The following RP1 variants were observed in gnomAD, a reference collection of about 807,000 sequenced individuals.
RP1 encodes the protein RP1 axonemal microtubule associated.
In RP1, 16 loss-of-function variants were observed where a neutral mutation model predicts 14.8. That is an observed-to-expected ratio of 1.08 (90% confidence interval 0.73 to 1.65). The LOEUF is 1.65. Ranked by LOEUF, RP1 falls within the 40% of genes most tolerant of loss-of-function variation. The pLI is 0.00. For missense variants in RP1, 2,631 were observed against 2,535.0 expected (o/e 1.04, Z -0.81); for synonymous variants, 876 against 883.6 (o/e 0.99, Z 0.15).
chr8:54,693,440 C>T (rs1807770613), intron 12 of RP1, among the ~76,000 whole-genome samples: 2 of 152,114 alleles, frequency 1.3e-5, no homozygotes, highest in Non-Finnish European at 2.9e-5. Context: ...TTGATTCTTC[C>T]TACCCATGAG....
chr8:54,688,440 T>C (rs919974251), intron 12 of RP1, among the ~76,000 whole-genome samples: 1 of 152,200 alleles, frequency 6.6e-6, no homozygotes, highest in Non-Finnish European at 1.5e-5. Flanking sequence ...GTTTTTATGG[T>C]TTTAGGTCTA....
intron 15 of RP1, among the ~76,000 whole-genome samples, chr8:54,711,742 C>T (rs1209646491): frequency 6.6e-6 from 1 of 151,956 alleles, no homozygotes; most frequent in Non-Finnish European, 1.5e-5. Flanking sequence ...AGTTTCTTTT[C>T]TAAATTTAAT....
intron 24 of RP1, among the ~76,000 whole-genome samples, chr8:54,803,612 CT>C (rs1405008314): frequency 6.6e-6 from 1 of 151,968 alleles, no homozygotes; most frequent in Non-Finnish European, 1.5e-5. Flanking sequence ...TGAGGTATAT[CT>C]TTATTTACTA....
At chr8:54,843,779 C>G (rs745394922) in intron 25 of RP1, among the ~76,000 whole-genome samples, 1 of 152,168 alleles carries the variant, frequency 6.6e-6, no homozygotes, top group Non-Finnish European at 1.5e-5. Context: ...TGGTAGCCAT[C>G]CCTGCACAGC....
At chr8:54,647,395 C>T (rs992683227) in intron 3 of RP1, among the ~76,000 whole-genome samples, 1 of 152,072 alleles carries the variant, frequency 6.6e-6, no homozygotes, top group African/African-American at 2.4e-5. Context: ...GCTTGGGTGA[C>T]ACCAGCGAGA....
intron 3 of RP1, among the ~76,000 whole-genome samples, chr8:54,647,304 A>T (rs1806570284): frequency 6.6e-6 from 1 of 152,004 alleles, no homozygotes; most frequent in Non-Finnish European, 1.5e-5. Context: ...AATCTCAGCT[A>T]TTGAGAGGCT....
exon 28 of RP1, chr8:54,865,859 T>C: frequency 8.1e-7 from 1 of 1,228,520 alleles, no homozygotes. Context: ...CTTGGGAGTA[T>C]TGTTGTTAAG....
At chr8:54,697,597 G>A (rs908118718) in intron 12 of RP1, among the ~76,000 whole-genome samples, 5 of 152,034 alleles carry the variant, frequency 3.3e-5, no homozygotes, top group African/African-American at 7.2e-5. Context: ...TTCATGGCAA[G>A]CACCTCTCAT....
At chr8:54,681,746 A>G (rs926939399) in intron 12 of RP1, among the ~76,000 whole-genome samples, 2 of 152,034 alleles carry the variant, frequency 1.3e-5, no homozygotes, top group African/African-American at 2.4e-5. Context: ...TGATGTGTCC[A>G]TGTGTTCTCA....
intron 25 of RP1, among the ~76,000 whole-genome samples, chr8:54,845,362 G>C (rs1317726831): frequency 6.6e-6 from 1 of 152,152 alleles, no homozygotes; most frequent in Non-Finnish European, 1.5e-5. Context: ...TCAACGGATG[G>C]ATGAAAGAGC....
At chr8:54,760,339 G>A (rs1223700496) in intron 22 of RP1, among the ~76,000 whole-genome samples, 7 of 152,102 alleles carry the variant, frequency 4.6e-5, no homozygotes, top group Non-Finnish European at 7.4e-5. Flanking sequence ...TTCTTTCGCA[G>A]CCTACCTGCC....
chr8:54,867,246 A>G (rs1563401136), intron 28 of RP1, among the ~76,000 whole-genome samples: 1 of 152,202 alleles, frequency 6.6e-6, no homozygotes, highest in Non-Finnish European at 1.5e-5. Flanking sequence ...TTTGAAACTT[A>G]ATAAGGAGTT....
intron 7 of RP1, among the ~76,000 whole-genome samples, chr8:54,669,078 G>C (rs1160280062): frequency 6.6e-6 from 1 of 152,140 alleles, no homozygotes; most frequent in East Asian, 1.9e-4. Flanking sequence ...ACTACCATCA[G>C]AGTGAACAGG....
intron 24 of RP1, among the ~76,000 whole-genome samples, chr8:54,786,656 A>C (rs1198021812): frequency 6.6e-6 from 1 of 152,102 alleles, no homozygotes; most frequent in Non-Finnish European, 1.5e-5. Context: ...AGATAATTCC[A>C]TTTCAATAAT....
At chr8:54,582,413 G>C (rs79441869) in intron 1 of RP1, among the ~76,000 whole-genome samples, 45,432 of 151,312 alleles carry the variant, frequency 0.3, 8,201 homozygotes, top group Non-Finnish European at 0.41. Flanking sequence ...TAGCCTTGTA[G>C]TATAGTTTGA....
Position 54,593,207 on chromosome 8 carries a change from A to G in RP1, c.-12-27748A>G, listed in dbSNP as rs534913762. On this transcript the variant is annotated intron_variant, in intron 1 of 22. Coordinates refer to the RP1 transcript ENST00000636932. ...AAATATGCGGTTTCAAAATTCATTG[A>G]TGACTGACTGATCTTTAATCTGCCA... is the stretch of plus-strand genomic sequence containing the variant. Among the ~76,000 whole-genome samples, 3 of 152,320 alleles carry G rather than the reference A, an allele frequency of 2.0e-5. No individual in the cohort carries two copies. In the South Asian group the frequency reaches 6.2e-4, roughly 32 times the overall value.
intron 2 of RP1, 25 bp from the exon 3 acceptor site, chr8:54,622,092 G>A: frequency 6.2e-7 from 1 of 1,613,430 alleles, no homozygotes. Flanking sequence ...GCTCATCTCA[G>A]GATAATGACT....
chr8:54,754,609 G>T (rs570979389), intron 19 of RP1, among the ~76,000 whole-genome samples: 1 of 152,224 alleles, frequency 6.6e-6, no homozygotes, highest in South Asian at 2.1e-4. Context: ...TTGTGGTTTT[G>T]TCATTAAAAG....
At chr8:54,774,214 T>C (rs1809980116), downstream of RP1, among the ~76,000 whole-genome samples, 1 of 152,156 alleles carries the variant, frequency 6.6e-6, no homozygotes. Flanking sequence ...GCCTTCTGCC[T>C]GTTGTGTCAG....
Sources: allele counts gnomAD v4.1 joint callset (sites outside exome capture counted in the v4.1 genomes callset), GRCh38; gene constraint gnomAD v4.1.1; transcripts MANE v1.5; gene names NCBI Gene and HGNC (gene_info 2026-07-23, HGNC 2026-07-21).